PTK2B: variants seen among roughly 807,000 people sequenced by gnomAD.
PTK2B encodes protein-tyrosine kinase 2-beta.
Under a neutral mutation model 142.9 loss-of-function variants are expected in PTK2B, and 71 were observed. That is an observed-to-expected ratio of 0.50 (90% CI 0.41 to 0.61). The LOEUF is 0.61. PTK2B is among the 20% of genes least tolerant of loss of function. The probability of loss-of-function intolerance (pLI) is 0.00; values close to 1 mark genes in which losing one functional copy is unlikely to be tolerated. For synonymous variants in PTK2B, 519 were observed against 503.4 expected, an observed-to-expected ratio of 1.03 and a Z score of -0.42; for missense variants, 1,105 against 1,320.4, an observed-to-expected ratio of 0.84 and a Z score of 2.53.
chr8:27,404,994 T>TCCTCTC lies in PTK2B; in HGVS notation c.204+7215_204+7220dup, dbSNP rs1309946778. On this transcript the variant is annotated intron_variant, in intron 2 of 30. Coordinates refer to ENST00000346049, the MANE Select transcript of PTK2B (RefSeq NM_173176.3). ...CTTATAAAAGAGGAAGAGGCTAGATTCCTCTCCCTCTCCCCCTCCCTCCCT... is the reference window on the plus strand; with the variant it reads ...CTTATAAAAGAGGAAGAGGCTAGATTCCTCTCCCTCTCCCTCTCCCCCTCCCTCCCT... Among the ~76,000 whole-genome samples, 322 of 134,204 alleles carry TCCTCTC rather than the reference T, an allele frequency of 2.4e-3. 1 individual carries two copies. Among genetic ancestry groups the TCCTCTC allele is most frequent in the African/African-American group, 8.7e-3 (305 of 34,866 alleles). 88.0% of individuals were successfully genotyped at this position (134,204 alleles called of 152,430 possible). A position where few individuals can be genotyped will look rare whatever the true frequency, so the allele number is the denominator to read the frequency against.
At chr8:27,335,658 C>T (rs1804015648) in intron 1 of PTK2B, among the ~76,000 whole-genome samples, 2 of 152,044 alleles carry the variant, frequency 1.3e-5, no homozygotes, top group East Asian at 3.9e-4. Flanking sequence ...GAAGACTCAG[C>T]CCCAGCCTGT....
chr8:27,382,982 G>A (rs1367805081), intron 1 of PTK2B, among the ~76,000 whole-genome samples: 3 of 152,164 alleles, frequency 2.0e-5, no homozygotes, highest in African/African-American at 7.2e-5. Flanking sequence ...AAATCAGGTA[G>A]TGTGATGCCT....
At chr8:27,442,192 A>G (rs192186696) in intron 21 of PTK2B, among the ~76,000 whole-genome samples, 89 of 152,368 alleles carry the variant, frequency 5.8e-4, no homozygotes, top group Non-Finnish European at 1.3e-4. Context: ...AGTGGGCTAT[A>G]TAATGCATTT....
intron 1 of PTK2B, among the ~76,000 whole-genome samples, chr8:27,353,723 G>T (rs1442672801): frequency 6.6e-6 from 1 of 152,162 alleles, no homozygotes; most frequent in Non-Finnish European, 1.5e-5. Context: ...CTGCATGAAG[G>T]TTAATAGCCT....
intron 1 of PTK2B, among the ~76,000 whole-genome samples, chr8:27,388,226 C>T (rs1272704555): frequency 6.6e-6 from 1 of 152,194 alleles, no homozygotes; most frequent in African/African-American, 2.4e-5. Flanking sequence ...AATTTCTCCG[C>T]TCAGCAACCA....
At chr8:27,430,305 G>A (rs1430179727) in intron 6 of PTK2B, 59 bp from the exon 7 acceptor site, 8 of 1,608,006 alleles carry the variant, frequency 5.0e-6, no homozygotes, top group Middle Eastern at 1.7e-4. Context: ...TGATTGGCCC[G>A]CAGTCCTGTG....
At chr8:27,393,374 G>C (rs1445189645) in intron 1 of PTK2B, among the ~76,000 whole-genome samples, 2 of 152,230 alleles carry the variant, frequency 1.3e-5, no homozygotes, top group Non-Finnish European at 2.9e-5. Context: ...GGTAGATTCT[G>C]GGTGACAGAA....
chr8:27,312,051 G>C (rs1417560074), intron 1 of PTK2B, among the ~76,000 whole-genome samples: 1 of 152,160 alleles, frequency 6.6e-6, no homozygotes, highest in Non-Finnish European at 1.5e-5. Flanking sequence ...TGAAATTGAG[G>C]ACTTCTGCAA....
chr8:27,333,132 G>A (rs1189303050), intron 1 of PTK2B, among the ~76,000 whole-genome samples: 1 of 152,212 alleles, frequency 6.6e-6, no homozygotes, highest in East Asian at 1.9e-4. Flanking sequence ...TACACTGTGG[G>A]AACTTGAGAT....
chr8:27,340,556 A>G (rs1279056071), intron 1 of PTK2B, among the ~76,000 whole-genome samples: 2 of 152,226 alleles, frequency 1.3e-5, no homozygotes, highest in African/African-American at 4.8e-5. Flanking sequence ...GGTGACAGGA[A>G]GCAATAGGAT....
intron 28 of PTK2B, 101 bp from the exon 29 acceptor site, chr8:27,454,053 G>A: frequency 6.8e-7 from 1 of 1,481,442 alleles, no homozygotes; most frequent in Non-Finnish European, 9.3e-7. Context: ...TTTCCAATCG[G>A]GCTGGTGGTG....
chr8:27,399,565 T>A (rs1452415079), intron 2 of PTK2B, among the ~76,000 whole-genome samples: 4 of 152,158 alleles, frequency 2.6e-5, no homozygotes, highest in Non-Finnish European at 4.4e-5. Flanking sequence ...CCTGGAGTTG[T>A]ATGATATACC....
chr8:27,327,233 A>G (rs1487739239), intron 1 of PTK2B, among the ~76,000 whole-genome samples: 1 of 152,074 alleles, frequency 6.6e-6, no homozygotes, highest in African/African-American at 2.4e-5. Flanking sequence ...TGCAGGGGTG[A>G]GTGGAGACTG....
At chr8:27,451,542 C>T in intron 27 of PTK2B, 33 bp downstream of exon 27, 1 of 1,613,894 alleles carries the variant, frequency 6.2e-7, no homozygotes, top group Non-Finnish European at 8.5e-7. Flanking sequence ...GGGGGGTTTC[C>T]TCTTGGCACC....
chr8:27,426,105 A>G (rs138520893), intron 5 of PTK2B, among the ~76,000 whole-genome samples: 1 of 152,196 alleles, frequency 6.6e-6, no homozygotes, highest in African/African-American at 2.4e-5. Context: ...AACAGAGAAT[A>G]CGTAACCCCA....
chr8:27,433,153 T>C (rs1333766796), intron 10 of PTK2B, among the ~76,000 whole-genome samples: 1 of 152,216 alleles, frequency 6.6e-6, no homozygotes, highest in African/African-American at 2.4e-5. Flanking sequence ...CAGTTTCTGC[T>C]TCTATTTATT....
rs183589449 is a variant in PTK2B at position 27,362,344 on chromosome 8, T to A, written c.-37-35204T>A. On this transcript the variant is annotated intron_variant, in intron 1 of 30. Transcript: ENST00000346049. ...GGCATGGCAGGTATGTGTCATTTCC[T>A]TATGCTGGTGAGACCCAGAGTTTCA... Among the ~76,000 whole-genome samples, 44 of 152,302 alleles carry A rather than the reference T, an allele frequency of 2.9e-4. 1 individual carries two copies. The highest frequency in any genetic ancestry group is 2.5e-3 in the Admixed American group (39 of 15,310).
chr8:27,406,488 A>T (rs1808720621), intron 2 of PTK2B, among the ~76,000 whole-genome samples: 1 of 152,108 alleles, frequency 6.6e-6, no homozygotes, highest in African/African-American at 2.4e-5. Context: ...TCCATTTAAA[A>T]GCTTTAATTA....
upstream of PTK2B, among the ~76,000 whole-genome samples, chr8:27,320,980 CTTTTTTTTTT>C (rs776395346): frequency 4.1e-4 from 16 of 39,398 alleles, no homozygotes; most frequent in East Asian, 2.4e-3. Flanking sequence ...ATACAAAAGG[CTTTTTTTTTT>C]TTTTTTTTTT....
Sources: gnomAD v4.1 joint callset for allele counts (sites outside exome capture counted in the v4.1 genomes callset) on GRCh38, gnomAD v4.1.1 for gene constraint, MANE v1.5 for transcripts, NCBI Gene and HGNC (gene_info 2026-07-23, HGNC 2026-07-21) for gene names.